The following VPS54 variants were observed in gnomAD, a reference collection of about 807,000 sequenced individuals.
VPS54 encodes the protein vacuolar protein sorting-associated protein 54.
A neutral mutation model predicts 121.5 loss-of-function variants in VPS54; 45 were observed. The ratio of observed to expected loss-of-function variants is 0.37; its 90% confidence interval spans 0.29 to 0.47. VPS54 has a LOEUF of 0.47. Among genes scored for constraint, VPS54 ranks in the 20% least tolerant of loss-of-function variants. The pLI, the probability that VPS54 is intolerant of heterozygous loss-of-function variation, is 0.99. For synonymous variants in VPS54, 371 were observed against 385.8 expected (o/e 0.96, Z 0.45); for missense variants, 1,090 against 1,131.4 (o/e 0.96, Z 0.52).
chr2:63,904,111 T>G (rs891949644), intron 20 of VPS54, among the ~76,000 whole-genome samples: 3 of 151,948 alleles, frequency 2.0e-5, no homozygotes, highest in African/African-American at 7.3e-5. Flanking sequence ...TTAGATAATA[T>G]GCACTTCAAA....
At chr2:63,934,704 T>C (rs1301290968) in intron 11 of VPS54, among the ~76,000 whole-genome samples, 1 of 152,172 alleles carries the variant, frequency 6.6e-6, no homozygotes. Context: ...CCATTTATCA[T>C]TATGTACAAT....
At chr2:63,942,018 C>A (rs1294176757) in intron 11 of VPS54, among the ~76,000 whole-genome samples, 5 of 117,536 alleles carry the variant, frequency 4.3e-5, no homozygotes, top group African/African-American at 1.4e-4. Context: ...TGGGTAACAG[C>A]AAGACTCCAC....
intron 20 of VPS54, among the ~76,000 whole-genome samples, chr2:63,902,133 G>A (rs1672702908): frequency 6.6e-6 from 1 of 152,168 alleles, no homozygotes; most frequent in Non-Finnish European, 1.5e-5. Context: ...CACATTCAAG[G>A]CCAGGGATAC....
At position 63,974,951 on chromosome 2, in the gene VPS54, A is replaced by C. The variant is rs1385344535; in HGVS notation, c.379-2707T>G. 1.4e-5 allele frequency: 22 copies of C among 1,535,762 alleles called. No individual in the cohort carries two copies. The East Asian group carries it at 5.1e-4, about 36-fold the overall frequency. ...TACATTAGTTAGGACTTCCAAGACA[A>C]TGTTAAAAGAAACAGTGACAGGGGA... is the stretch of plus-strand genomic sequence containing the variant. On this transcript the variant is annotated intron_variant, in intron 3 of 22. Coordinates refer to ENST00000272322, the MANE Select transcript of VPS54 (RefSeq NM_016516.3).
At chr2:63,983,670 CTGACCTCG>C (rs904677315) in intron 2 of VPS54, among the ~76,000 whole-genome samples, 186 bp downstream of exon 2, 6 of 148,972 alleles carry the variant, frequency 4.0e-5, no homozygotes, top group African/African-American at 7.4e-5. Flanking sequence ...TCTCGATCTC[CTGACCTCG>C]TGAACCGCCC....
intron 1 of VPS54, among the ~76,000 whole-genome samples, chr2:64,013,702 GATATATATATCATATAGAGAGAT>G (rs1678553147): frequency 6.9e-6 from 1 of 144,862 alleles, no homozygotes; most frequent in Non-Finnish European, 1.5e-5. Flanking sequence ...CATATATAGA[GATATATATATCATATAGAGAGAT>G]ATATATATAT....
At chr2:63,986,942 T>C (rs1234032287) in intron 1 of VPS54, among the ~76,000 whole-genome samples, 2 of 152,224 alleles carry the variant, frequency 1.3e-5, no homozygotes, top group Non-Finnish European at 2.9e-5. Flanking sequence ...ATAAGGTTGT[T>C]TGAGCTCCCT....
At chr2:63,926,008 TG>T (rs1673884273) in intron 12 of VPS54, among the ~76,000 whole-genome samples, 1 of 152,234 alleles carries the variant, frequency 6.6e-6, no homozygotes, top group African/African-American at 2.4e-5. Flanking sequence ...GAGAGGAAGA[TG>T]AATACAAATG....
At chr2:63,929,411 G>C (rs1385428361) in intron 12 of VPS54, among the ~76,000 whole-genome samples, 2 of 152,140 alleles carry the variant, frequency 1.3e-5, no homozygotes, top group Admixed American at 6.5e-5. Flanking sequence ...GCTCCTGAAT[G>C]ACTACTGGGT....
intron 16 of VPS54, among the ~76,000 whole-genome samples, chr2:63,914,873 C>T (rs1223412755): frequency 6.6e-6 from 1 of 151,952 alleles, no homozygotes; most frequent in East Asian, 1.9e-4. Context: ...GTGGCTCACA[C>T]CTGTAATCCC....
rs777270804 is a variant in VPS54 at position 63,921,182 on chromosome 2, A to G, written c.1869+24T>C. ...TTCAAAATTATTACGTATAAAATATATAAAGCTTTATGAAAATAGCTACCT... is the reference window on the plus strand; with the variant it reads ...TTCAAAATTATTACGTATAAAATATGTAAAGCTTTATGAAAATAGCTACCT... On this transcript the variant is annotated intron_variant, in intron 13 of 22. Transcript: ENST00000272322. 3.8e-6 allele frequency: 6 copies of G among 1,597,610 alleles called. No individual in the cohort carries two copies. In the South Asian group the frequency reaches 4.5e-5, roughly 12 times the overall value.
intron 1 of VPS54, among the ~76,000 whole-genome samples, chr2:64,003,032 T>C (rs1251957252): frequency 6.6e-6 from 1 of 152,182 alleles, no homozygotes; most frequent in Non-Finnish European, 1.5e-5. Flanking sequence ...ACAACAAATG[T>C]ACATGGCATC....
intron 1 of VPS54, among the ~76,000 whole-genome samples, chr2:64,009,751 C>T (rs1045952750): frequency 2.0e-5 from 3 of 152,102 alleles, no homozygotes; most frequent in African/African-American, 7.2e-5. Flanking sequence ...GAAGTTGAGG[C>T]TGCAGTGAGC....
intron 5 of VPS54, among the ~76,000 whole-genome samples, chr2:63,967,735 A>AAAAAAAAAAAAAAAAAAAAAAAC (rs1676072902): frequency 1.3e-5 from 2 of 149,368 alleles, no homozygotes; most frequent in Non-Finnish European, 1.5e-5. Context: ...AAAAAAAAAA[A>AAAAAAAAAAAAAAAAAAAAAAAC]TCTTATAAGG....
chr2:63,913,782 A>G, intron 17 of VPS54: 1 of 931,496 alleles, frequency 1.1e-6, no homozygotes, highest in Non-Finnish European at 1.3e-6. Flanking sequence ...TTTTCATTTT[A>G]TATCAATGGT....
intron 20 of VPS54, among the ~76,000 whole-genome samples, chr2:63,910,197 T>G (rs188417169): frequency 6.6e-6 from 1 of 152,078 alleles, no homozygotes; most frequent in Non-Finnish European, 1.5e-5. Context: ...GAGCAACACA[T>G]GAAAGCAAAC....
intron 1 of VPS54, among the ~76,000 whole-genome samples, chr2:63,992,412 C>T (rs1032756967): frequency 2.0e-5 from 3 of 152,184 alleles, no homozygotes; most frequent in Non-Finnish European, 2.9e-5. Flanking sequence ...ACTCCGTCTC[C>T]GTCCAAAACA....
At chr2:64,013,092 C>T (rs1010962468) in intron 1 of VPS54, among the ~76,000 whole-genome samples, 17 of 152,170 alleles carry the variant, frequency 1.1e-4, no homozygotes, top group Non-Finnish European at 2.5e-4. Flanking sequence ...ATTTACATGG[C>T]TATTAAGTAT....
chr2:63,969,133 C>CACCT (rs1676150296), intron 4 of VPS54, 142 bp from the exon 5 acceptor site: 1 of 657,918 alleles, frequency 1.5e-6, no homozygotes, highest in Non-Finnish European at 2.6e-6. Flanking sequence ...ATCTATCAAG[C>CACCT]ACCTATTACA....
Sources: gnomAD v4.1 joint callset for allele counts (sites outside exome capture counted in the v4.1 genomes callset) on GRCh38, gnomAD v4.1.1 for gene constraint, MANE v1.5 for transcripts, NCBI Gene and HGNC (gene_info 2026-07-23, HGNC 2026-07-21) for gene names.